Variants in L3HYPDH observed in about 807,000 individuals in gnomAD.
L3HYPDH encodes the protein trans-3-hydroxy-L-proline dehydratase.
A neutral mutation model predicts 26.5 loss-of-function variants in L3HYPDH; 32 were observed. That is an observed-to-expected ratio of 1.21 (90% CI 0.91 to 1.62). L3HYPDH has a LOEUF of 1.62. Among genes scored for constraint, L3HYPDH ranks in the 40% most tolerant of loss-of-function variants. L3HYPDH has a pLI of 0.00. For missense variants in L3HYPDH, 554 were observed against 476.4 expected (o/e 1.16, Z -1.52); for synonymous variants, 215 against 196.6 (o/e 1.09, Z -0.78).
chr14:59,483,130 C>T (rs1029439359), intron 1 of L3HYPDH, among the ~76,000 whole-genome samples: 2 of 152,178 alleles, frequency 1.3e-5, no homozygotes, highest in Non-Finnish European at 2.9e-5. Flanking sequence ...AATACAGTAT[C>T]TTGCATACTC....
At chr14:59,496,782 A>G in the L3HYPDH span, among the ~76,000 whole-genome samples, 46 of 152,258 alleles carry the variant, frequency 3.0e-4, no homozygotes, top group African/African-American at 1.1e-3. Flanking sequence ...TTTCTTCCTC[A>G]GCACCCTTAC....
chr14:59,478,483 C>G (rs1048852390), intron 2 of L3HYPDH, among the ~76,000 whole-genome samples: 3 of 152,132 alleles, frequency 2.0e-5, no homozygotes, highest in Non-Finnish European at 4.4e-5. Flanking sequence ...ACTCTGGAGG[C>G]TGAGGCAGAA....
chr14:59,498,275 A>C, the L3HYPDH span, among the ~76,000 whole-genome samples: 1 of 152,242 alleles, frequency 6.6e-6, no homozygotes. Context: ...TTTTGTTAAC[A>C]TTTATTTCAT....
chr14:59,484,819 G>A, upstream of L3HYPDH: 2 of 949,120 alleles, frequency 2.1e-6, no homozygotes, highest in South Asian at 3.5e-5. Flanking sequence ...GAAATGCCAG[G>A]TCTTTGTTGT....
chr14:59,501,207 C>T, the L3HYPDH span: 1 of 1,596,532 alleles, frequency 6.3e-7, no homozygotes, highest in South Asian at 1.1e-5. Context: ...CCTTCCCATA[C>T]ATTATATTAG....
upstream of L3HYPDH, chr14:59,486,726 AC>A (rs1890609473): frequency 2.5e-6 from 4 of 1,588,834 alleles, no homozygotes; most frequent in Non-Finnish European, 3.4e-6. Flanking sequence ...TCGATATTCA[AC>A]CAGCATGCCT....
At chr14:59,495,266 A>G in the L3HYPDH span, 3 of 1,398,246 alleles carry the variant, frequency 2.1e-6, no homozygotes, top group Non-Finnish European at 3.0e-6. Flanking sequence ...TTTTTTTTAA[A>G]TCTCTGAGGA....
upstream of L3HYPDH, chr14:59,484,945 G>A: frequency 6.7e-7 from 1 of 1,496,314 alleles, no homozygotes; most frequent in East Asian, 2.3e-5. Context: ...TAAAGCAGAA[G>A]CAAGTTGCTG....
At chr14:59,499,001 T>A in the L3HYPDH span, 1 of 524,816 alleles carries the variant, frequency 1.9e-6, no homozygotes, top group Non-Finnish European at 3.0e-6. Context: ...TTCCTTAAGA[T>A]AGTTTGTTTA....
In L3HYPDH at chr14:59,484,234, CCCGTGTGCAT is replaced by C. The variant is rs1178740082; in HGVS notation, c.73_82del (p.Met25AlafsTer53). On this transcript the variant is annotated frameshift_variant, in exon 1 of 5. Transcript: ENST00000247194. LOFTEE classifies it high-confidence loss of function. Reference sequence around the variant, plus strand: ...CAGCACGATACGCAAGGGCTCGCCGCCCGTGTGCATGTCCACCACCGACAGCACCGGCGTC... The same window carrying C: ...CAGCACGATACGCAAGGGCTCGCCGCGTCCACCACCGACAGCACCGGCGTC... 7 of 1,598,256 alleles carry C rather than the reference CCCGTGTGCAT, an allele frequency of 4.4e-6. No individual in the cohort carries two copies. The Admixed American group carries it at 5.0e-5, about 11-fold the overall frequency.
chr14:59,471,128 C>T (rs1176843193), downstream of L3HYPDH, among the ~76,000 whole-genome samples: 1 of 152,012 alleles, frequency 6.6e-6, no homozygotes, highest in Non-Finnish European at 1.5e-5. Flanking sequence ...GTTGATTTCC[C>T]TAATGTTTTT....
At chr14:59,502,773 T>TTTTTTG in the L3HYPDH span, among the ~76,000 whole-genome samples, 367 of 102,782 alleles carry the variant, frequency 3.6e-3, 24 homozygotes, top group African/African-American at 7.2e-3. Context: ...TTTTTTTTTT[T>TTTTTTG]CGGAGTCTCA....
At chr14:59,485,205 C>T (rs1890441317), upstream of L3HYPDH, 4 of 1,413,244 alleles carry the variant, frequency 2.8e-6, no homozygotes, top group South Asian at 1.2e-5. Flanking sequence ...TTGATATTCA[C>T]GTGTATTTAT....
chr14:59,471,774 ATTT>A (rs1052665442), downstream of L3HYPDH, among the ~76,000 whole-genome samples: 1 of 151,998 alleles, frequency 6.6e-6, no homozygotes, highest in South Asian at 2.1e-4. Flanking sequence ...TTCTGTTTTT[ATTT>A]TTTTTAAAAA....
chr14:59,494,121 GGTGT>G, the L3HYPDH span, among the ~76,000 whole-genome samples: 217 of 151,072 alleles, frequency 1.4e-3, no homozygotes, highest in African/African-American at 5.1e-3. Context: ...AGAAAATTTG[GGTGT>G]GTGTGTGTGT....
chr14:59,465,543 G>T (rs75616597), intron 1 of L3HYPDH, among the ~76,000 whole-genome samples: 5,127 of 152,344 alleles, frequency 0.034, 145 homozygotes, highest in Middle Eastern at 0.1. Flanking sequence ...GACCTCCTGA[G>T]GGACCAATGT....
At chr14:59,473,220 T>C in intron 4 of L3HYPDH, 130 bp from the exon 5 acceptor site, 1 of 737,772 alleles carries the variant, frequency 1.4e-6, no homozygotes, top group South Asian at 3.0e-5. Flanking sequence ...CAGGGAAGGT[T>C]TTTAAGGAGA....
intron 1 of L3HYPDH, among the ~76,000 whole-genome samples, chr14:59,481,257 T>C (rs1253078501): frequency 2.4e-4 from 36 of 152,350 alleles, no homozygotes; most frequent in Non-Finnish European, 4.4e-5. Flanking sequence ...ATTACTAACA[T>C]TAAAAATTAA....
At chr14:59,486,984 T>C (rs1405461912), upstream of L3HYPDH, among the ~76,000 whole-genome samples, 1 of 152,158 alleles carries the variant, frequency 6.6e-6, no homozygotes, top group African/African-American at 2.4e-5. Context: ...GTAGATCACT[T>C]GAGGTCAGGA....
Sources: gnomAD v4.1 joint callset for allele counts (sites outside exome capture counted in the v4.1 genomes callset) on GRCh38, gnomAD v4.1.1 for gene constraint, MANE v1.5 for transcripts, NCBI Gene and HGNC (gene_info 2026-07-23, HGNC 2026-07-21) for gene names.